Variants in ST8SIA1 observed in about 807,000 individuals in gnomAD.
The protein encoded by ST8SIA1 is ST8 alpha-N-acetyl-neuraminide alpha-2,8-sialyltransferase 1, also known as alpha-N-acetylneuraminide alpha-2,8-sialyltransferase.
In ST8SIA1, 16 loss-of-function variants were observed where a neutral mutation model predicts 35.9. The ratio of observed to expected loss-of-function variants is 0.45; its 90% confidence interval spans 0.30 to 0.68. The LOEUF is 0.68. Ranked by LOEUF, ST8SIA1 falls within the 30% of genes least tolerant of loss-of-function variation. The probability of loss-of-function intolerance (pLI) is 0.09; values close to 1 mark genes in which losing one functional copy is unlikely to be tolerated. For missense variants in ST8SIA1, 383 were observed against 453.6 expected, an observed-to-expected ratio of 0.84 and a Z score of 1.41; for synonymous variants, 170 against 169.6, an observed-to-expected ratio of 1.00 and a Z score of -0.02.
chr12:22,241,434 G>A (rs796278490), intron 4 of ST8SIA1, among the ~76,000 whole-genome samples: 10 of 151,988 alleles, frequency 6.6e-5, no homozygotes, highest in African/African-American at 1.2e-4. Context: ...GCTCCTGCTC[G>A]GGCCATGTGA....
At chr12:22,318,503 G>A (rs1866546420) in intron 1 of ST8SIA1, among the ~76,000 whole-genome samples, 1 of 152,134 alleles carries the variant, frequency 6.6e-6, no homozygotes, top group Non-Finnish European at 1.5e-5. Flanking sequence ...CTAAGCCACT[G>A]GGATGAATCA....
At chr12:22,202,800 G>T (rs1865064080) in intron 4 of ST8SIA1, among the ~76,000 whole-genome samples, 1 of 152,122 alleles carries the variant, frequency 6.6e-6, no homozygotes, top group African/African-American at 2.4e-5. Context: ...TACAGAGTGG[G>T]AATAACATTT....
At chr12:22,219,388 G>A (rs1047647038) in intron 4 of ST8SIA1, among the ~76,000 whole-genome samples, 2 of 152,134 alleles carry the variant, frequency 1.3e-5, no homozygotes, top group Admixed American at 6.5e-5. Flanking sequence ...TCTGAGAAGG[G>A]TGTGAAGACA....
At chr12:22,293,500 G>A (rs75793453) in intron 1 of ST8SIA1, among the ~76,000 whole-genome samples, 1,691 of 152,310 alleles carry the variant, frequency 0.011, 38 homozygotes, top group African/African-American at 0.039. Flanking sequence ...AAAGTGTCCT[G>A]AGCTGAGTTC....
chr12:22,320,926 GAAGAAAGAAAGAAAGA>G (rs138532412), intron 1 of ST8SIA1, among the ~76,000 whole-genome samples: 9 of 71,800 alleles, frequency 1.3e-4, no homozygotes, highest in African/African-American at 2.5e-4. Context: ...GGAAAGAAAG[GAAGAAAGAAAGAAAGA>G]AAGAAAGAAA....
chr12:22,248,180 A>C (rs2120747188), intron 4 of ST8SIA1, among the ~76,000 whole-genome samples: 1 of 152,308 alleles, frequency 6.6e-6, no homozygotes, highest in Admixed American at 6.5e-5. Context: ...GTTGTGAATA[A>C]GTGAACACAC....
At chr12:22,285,147 CG>C (rs1866082767) in intron 2 of ST8SIA1, among the ~76,000 whole-genome samples, 1 of 152,194 alleles carries the variant, frequency 6.6e-6, no homozygotes, top group African/African-American at 2.4e-5. Context: ...TGGACTTCTT[CG>C]CAACTAGTGT....
Position 22,322,874 on chromosome 12 carries a change from T to C in ST8SIA1, c.236+11123A>G, listed in dbSNP as rs1866620156. Among the ~76,000 whole-genome samples the C allele has an allele frequency of 2.6e-5, 4 of 152,356 alleles. No homozygotes were observed. The South Asian group carries it at 6.2e-4, about 24-fold the overall frequency. On this transcript the variant is annotated intron_variant, in intron 1 of 4. Coordinates refer to ENST00000396037, the MANE Select transcript of ST8SIA1 (RefSeq NM_003034.4). ...TTTTAGTAAATAGGAAAATGACTCTTAAAATTAGAGTTGTGAAACATAGTA... is the reference window on the plus strand; with the variant it reads ...TTTTAGTAAATAGGAAAATGACTCTCAAAATTAGAGTTGTGAAACATAGTA...
chr12:22,226,737 A>T lies in ST8SIA1; in HGVS notation c.584+22269T>A, dbSNP rs74068744. ...CTTTGCAACATCCAACATGAACTTTATTGCTTTCTTTGCAATTCTGCCTGC... is the reference window on the plus strand; with the variant it reads ...CTTTGCAACATCCAACATGAACTTTTTTGCTTTCTTTGCAATTCTGCCTGC... On this transcript the variant is annotated intron_variant, in intron 4 of 4. Coordinates refer to ENST00000396037, the MANE Select transcript of ST8SIA1 (RefSeq NM_003034.4). 8.6e-3 allele frequency among the ~76,000 whole-genome samples: 1,302 copies of T among 151,920 alleles called. 29 individuals carry two copies. The highest frequency in any genetic ancestry group is 0.03 in the African/African-American group (1,225 of 41,406).
chr12:22,332,457 A>C (rs917919224), intron 1 of ST8SIA1, among the ~76,000 whole-genome samples: 1 of 152,228 alleles, frequency 6.6e-6, no homozygotes, highest in South Asian at 2.1e-4. Context: ...GGAAGTTCTT[A>C]ACTCATTTCC....
chr12:22,318,698 C>G (rs905895991), intron 1 of ST8SIA1, among the ~76,000 whole-genome samples: 5 of 152,180 alleles, frequency 3.3e-5, no homozygotes, highest in African/African-American at 1.2e-4. Flanking sequence ...TACAAACAGC[C>G]TTTGATTTTA....
Position 22,198,904 on chromosome 12 carries a change from A to G in ST8SIA1, c.*2648T>C, listed in dbSNP as rs1865019517. ...CTATTAGCACCCTTGAGTCATGAAA[A>G]TAAAAAATGTCTCTGGTCTCCAGAC... On this transcript the variant is annotated 3_prime_UTR_variant, in exon 5 of 5. Coordinates refer to ENST00000396037, the MANE Select transcript of ST8SIA1 (RefSeq NM_003034.4). 6.6e-6 allele frequency: 1 copy of G among 152,106 alleles called. No individual in the cohort carries two copies. The highest frequency in any genetic ancestry group is 1.5e-5 in the Non-Finnish European group (1 of 68,026). The allele number at this position is 152,106 out of a possible 1,614,324, so 9.4% of individuals were successfully genotyped here. A position where few individuals can be genotyped will look rare whatever the true frequency, so the allele number is the denominator to read the frequency against.
chr12:22,310,164 G>T (rs531647076), intron 1 of ST8SIA1, among the ~76,000 whole-genome samples: 1 of 152,120 alleles, frequency 6.6e-6, no homozygotes, highest in Non-Finnish European at 1.5e-5. Context: ...CAAATGAAAG[G>T]CTTATAAATA....
At chr12:22,262,636 T>C (rs1031714587) in intron 2 of ST8SIA1, among the ~76,000 whole-genome samples, 1 of 152,250 alleles carries the variant, frequency 6.6e-6, no homozygotes, top group East Asian at 1.9e-4. Flanking sequence ...GGGCAAAAAG[T>C]AGGAAGTGCA....
rs35021216 is a variant in ST8SIA1 at position 22,240,978 on chromosome 12, CTT to C, written c.584+8026_584+8027del. Among the ~76,000 whole-genome samples, 482 of 130,390 alleles carry C rather than the reference CTT, an allele frequency of 3.7e-3. 2 individuals are homozygous for C. Among genetic ancestry groups the C allele is most frequent in the African/African-American group, 0.011 (396 of 35,158 alleles). 85.5% of individuals were successfully genotyped at this position (130,390 alleles called of 152,430 possible). A position where few individuals can be genotyped will look rare whatever the true frequency, so the allele number is the denominator to read the frequency against. On this transcript the variant is annotated intron_variant, in intron 4 of 4. Coordinates refer to ENST00000396037, the MANE Select transcript of ST8SIA1 (RefSeq NM_003034.4). ...TTCTGTTTCCTAGTTCATGCCAACT[CTT>C]TTTTTTTTTTTTTTTTGAGACAGGG... is the stretch of plus-strand genomic sequence containing the variant.
chr12:22,321,003 G>GAAGAAAGAAAGAAAGAAAGA (rs1555162777), intron 1 of ST8SIA1, among the ~76,000 whole-genome samples: 48 of 76,622 alleles, frequency 6.3e-4, no homozygotes, highest in African/African-American at 7.6e-4. Flanking sequence ...AAGAAAGAAA[G>GAAGAAAGAAAGAAAGAAAGA]AAGAAAGAAA....
chr12:22,216,716 A>T (rs1009509782), intron 4 of ST8SIA1, among the ~76,000 whole-genome samples: 20 of 152,204 alleles, frequency 1.3e-4, no homozygotes, highest in East Asian at 1.9e-4. Context: ...GGCTAATGCT[A>T]TGCCTGACAT....
intron 2 of ST8SIA1, among the ~76,000 whole-genome samples, chr12:22,284,613 A>T (rs1049045392): frequency 2.6e-5 from 4 of 151,926 alleles, no homozygotes; most frequent in Non-Finnish European, 4.4e-5. Context: ...ATATGCAATT[A>T]AAAAAAATCT....
intron 1 of ST8SIA1, among the ~76,000 whole-genome samples, chr12:22,313,708 T>G (rs1866481377): frequency 6.6e-6 from 1 of 152,204 alleles, no homozygotes; most frequent in African/African-American, 2.4e-5. Context: ...GCTAATGATT[T>G]TAACTTTCAC....
Sources: allele counts gnomAD v4.1 joint callset (sites outside exome capture counted in the v4.1 genomes callset), GRCh38; gene constraint gnomAD v4.1.1; transcripts MANE v1.5; gene names NCBI Gene and HGNC (gene_info 2026-07-23, HGNC 2026-07-21).